Variants in NDUFA11 observed in about 807,000 individuals in gnomAD.
NDUFA11 encodes NADH:ubiquinone oxidoreductase subunit A11.
Under a neutral mutation model 11.3 loss-of-function variants are expected in NDUFA11, and 14 were observed. The observed-to-expected ratio is 1.24, with a 90% CI of 0.82 to 1.94. The LOEUF is 1.94. NDUFA11 is among the 30% of genes most tolerant of loss of function. The probability of loss-of-function intolerance (pLI) is 0.00; values close to 1 mark genes in which losing one functional copy is unlikely to be tolerated. For missense variants in NDUFA11, 204 were observed against 200.3 expected (o/e 1.02, Z -0.11); for synonymous variants, 87 against 85.6 (o/e 1.02, Z -0.09).
chr19:5,892,983 G>A (rs1201752376), downstream of NDUFA11: 3 of 1,518,194 alleles, frequency 2.0e-6, no homozygotes, highest in African/African-American at 4.1e-5. Context: ...CAGGTGTCAG[G>A]GCCCCTGCCC....
intron 3 of NDUFA11, chr19:5,895,620 A>C (rs2057603008): frequency 6.5e-6 from 1 of 152,772 alleles, no homozygotes; most frequent in Admixed American, 6.5e-5. Flanking sequence ...AGAGCGGCTG[A>C]GCTGCAAGAG....
In NDUFA11 at chr19:5,896,374, G is replaced by C; in HGVS notation, c.313+79C>G. ...TACTTCTTGTCCGGGATGGAACAGA[G>C]AGGGTGGAGGATGAGCAGAGGTCAG... is the stretch of plus-strand genomic sequence containing the variant. On this transcript the variant is annotated intron_variant, in intron 3 of 3. Transcript: ENST00000308961. This position sits in a 1 kb window ranked among gnomAD's most constrained non-coding sequence, Gnocchi z 5.8. 7.0e-7 allele frequency: 1 copy of C among 1,435,500 alleles called. No homozygotes were observed. The highest frequency in any genetic ancestry group is 9.4e-7 in the Non-Finnish European group (1 of 1,060,602). 88.9% of individuals were successfully genotyped at this position (1,435,500 alleles called of 1,614,324 possible). A position where few individuals can be genotyped will look rare whatever the true frequency, so the allele number is the denominator to read the frequency against.
intron 1 of NDUFA11, chr19:5,902,445 T>G (rs1004622614): frequency 3.9e-5 from 6 of 152,390 alleles, no homozygotes; most frequent in African/African-American, 1.4e-4. Context: ...TTTACTTTTT[T>G]GCAGAGATGG....
chr19:5,899,213 T>C (rs1022729677), intron 1 of NDUFA11, among the ~76,000 whole-genome samples: 1 of 147,786 alleles, frequency 6.8e-6, no homozygotes, highest in Non-Finnish European at 1.5e-5. Flanking sequence ...GCAGTGGCGC[T>C]ATCTCGGCTC....
chr19:5,901,167 C>G, intron 1 of NDUFA11: 4 of 527,492 alleles, frequency 7.6e-6, no homozygotes, highest in Non-Finnish European at 1.1e-5. Flanking sequence ...GACAAGCTGT[C>G]TCCTCCAAAG....
In NDUFA11 at chr19:5,894,835, G is replaced by A. The variant is rs779792599; in HGVS notation, c.333C>T (p.Gly111=). 16 of 1,610,122 alleles carry A rather than the reference G, an allele frequency of 9.9e-6. No homozygotes were observed. The South Asian group carries it at 1.2e-4, about 12-fold the overall frequency. Residue 111 remains glycine (G), a synonymous_variant, in exon 4 of 4, where the codon GGC becomes GGT. Transcript: ENST00000308961. ...LGARTHNYGI[G]AAACVYFGIA... The stretch of plus-strand genomic sequence containing the variant: ...TGCCAAAGTACACGCAGGCGGCGGC[G>A]CCAATCCCGTAGTTGTGCGCTGTGG...
At chr19:5,899,180 C>T (rs1350045596) in intron 1 of NDUFA11, among the ~76,000 whole-genome samples, 12 of 148,240 alleles carry the variant, frequency 8.1e-5, no homozygotes, top group Non-Finnish European at 1.6e-4. Flanking sequence ...GATAGAGTCT[C>T]GCTCTGTCGC....
At position 5,896,283 on chromosome 19, in the gene NDUFA11, A is replaced by AG; in HGVS notation, c.313+169dup. ...AGGGCAGGTCAGGGAGGGCCACAGT[A>AG]GGTGCTTAAGCAGCAGCAGCAGCTG... On this transcript the variant is annotated intron_variant, in intron 3 of 3. Coordinates refer to ENST00000308961, the MANE Select transcript of NDUFA11 (RefSeq NM_175614.5). This position sits in a 1 kb window ranked among gnomAD's most constrained non-coding sequence, Gnocchi z 5.8. The AG allele has an allele frequency of 1.3e-6, 1 of 758,556 alleles. No homozygotes were observed. The highest frequency in any genetic ancestry group is 2.1e-6 in the Non-Finnish European group (1 of 472,242). 47.0% of individuals were successfully genotyped at this position (758,556 alleles called of 1,614,324 possible).
intron 1 of NDUFA11, 131 bp downstream of exon 1, chr19:5,903,481 A>C (rs1272610765): frequency 1.2e-6 from 1 of 846,130 alleles, no homozygotes; most frequent in Non-Finnish European, 1.8e-6. Context: ...ACGACCGCCC[A>C]AGACACCCCG....
rs959089350 is a variant in NDUFA11 at position 5,901,260 on chromosome 19, G to A, written c.97+2352C>T. The A allele has an allele frequency of 7.1e-5, 86 of 1,209,970 alleles. No individual in the cohort carries two copies. The African/African-American group carries it at 1.0e-3, about 14-fold the overall frequency. The allele number at this position is 1,209,970 out of a possible 1,614,324, so 75.0% of individuals were successfully genotyped here. On this transcript the variant is annotated intron_variant, in intron 1 of 3. Coordinates refer to ENST00000308961, the MANE Select transcript of NDUFA11 (RefSeq NM_175614.5). Reference sequence around the variant, plus strand: ...CTCTCACATGAACACCAACATACGCGTCTTTCTCAGTTTCAGATCCTATCC... The same window carrying A: ...CTCTCACATGAACACCAACATACGCATCTTTCTCAGTTTCAGATCCTATCC...
At chr19:5,900,693 G>A (rs571941651) in intron 1 of NDUFA11, among the ~76,000 whole-genome samples, 2 of 152,258 alleles carry the variant, frequency 1.3e-5, no homozygotes, top group East Asian at 3.9e-4. Context: ...CAAGGCGGGC[G>A]GATCACCTGA....
Position 5,896,582 on chromosome 19 carries a change from G to A in NDUFA11, c.191-7C>T. 4 of 1,562,590 alleles carry A rather than the reference G, an allele frequency of 2.6e-6. No homozygotes were observed. Among genetic ancestry groups the A allele is most frequent in the Non-Finnish European group, 3.5e-6 (4 of 1,154,288 alleles). On this transcript the variant is annotated splice_polypyrimidine_tract_variant and splice_region_variant and intron_variant, in intron 2 of 3. Transcript: ENST00000308961. This position sits in a 1 kb window ranked among gnomAD's most constrained non-coding sequence, Gnocchi z 5.8. Reference sequence around the variant, plus strand: ...AACACGGCCCCGACAGCAGCTGCGGGGTAGACGGGAAGAGCAAGGGCCTCG... The same window carrying A: ...AACACGGCCCCGACAGCAGCTGCGGAGTAGACGGGAAGAGCAAGGGCCTCG...
At chr19:5,897,052 T>C (rs2057614848) in intron 1 of NDUFA11, 55 bp from the exon 2 acceptor site, 4 of 1,461,036 alleles carry the variant, frequency 2.7e-6, no homozygotes, top group Non-Finnish European at 3.8e-6. Context: ...AGCCCTTGCT[T>C]GGCCGGGCAC....
chr19:5,896,631 T>C lies in NDUFA11; in HGVS notation c.191-56A>G. ...CGAGACGGGCACAGCAGGAGCCTCT[T>C]GGGCGCTCACTGCCAGTGTCTGGAT... is the stretch of plus-strand genomic sequence containing the variant. On this transcript the variant is annotated intron_variant, in intron 2 of 3. Coordinates refer to ENST00000308961, the MANE Select transcript of NDUFA11 (RefSeq NM_175614.5). The surrounding 1 kb of genome is among the most constrained non-coding windows in gnomAD (Gnocchi z 5.8). 1 of 1,552,316 alleles carries C rather than the reference T, an allele frequency of 6.4e-7. No homozygotes were observed. The highest frequency in any genetic ancestry group is 8.7e-7 in the Non-Finnish European group (1 of 1,148,632).
chr19:5,894,984 A>G, intron 3 of NDUFA11, 130 bp from the exon 4 acceptor site: 1 of 1,054,492 alleles, frequency 9.5e-7, no homozygotes, highest in Non-Finnish European at 1.4e-6. Context: ...TCAGGGATTA[A>G]GTCACTCAGG....
At position 5,903,389 on chromosome 19, in the gene NDUFA11, T is replaced by C. The variant is rs373499435; in HGVS notation, c.97+223A>G. ...GCCTCAGATGACCCCAGGGACTAGCTTGTCGCATGTCACGACCTCCCAGTG... is the reference window on the plus strand; with the variant it reads ...GCCTCAGATGACCCCAGGGACTAGCCTGTCGCATGTCACGACCTCCCAGTG... On this transcript the variant is annotated intron_variant, in intron 1 of 3. Coordinates refer to ENST00000308961, the MANE Select transcript of NDUFA11 (RefSeq NM_175614.5). 1.3e-4 allele frequency among the ~76,000 whole-genome samples: 20 copies of C among 152,250 alleles called. No individual in the cohort carries two copies. In the East Asian group the frequency reaches 1.4e-3, roughly 10 times the overall value.
chr19:5,898,562 T>A (rs1351336969), intron 1 of NDUFA11, among the ~76,000 whole-genome samples: 1 of 152,164 alleles, frequency 6.6e-6, no homozygotes, highest in Non-Finnish European at 1.5e-5. Flanking sequence ...CCCCTGGGAT[T>A]CCTGCTCGAC....
intron 1 of NDUFA11, among the ~76,000 whole-genome samples, chr19:5,901,987 GTTTTT>G (rs758366775): frequency 1.5e-5 from 2 of 132,102 alleles, no homozygotes; most frequent in African/African-American, 5.8e-5. Flanking sequence ...GTTTTGTTTT[GTTTTT>G]TGAGACAGCG....
chr19:5,897,527 G>A (rs1029394853), intron 1 of NDUFA11, among the ~76,000 whole-genome samples: 3 of 152,016 alleles, frequency 2.0e-5, no homozygotes, highest in Non-Finnish European at 4.4e-5. Context: ...CTGCTTCCCT[G>A]CCTGGCTGCC....
Sources: allele counts gnomAD v4.1 joint callset (sites outside exome capture counted in the v4.1 genomes callset), GRCh38; gene constraint gnomAD v4.1.1; non-coding constraint Gnocchi (gnomAD v3.1); transcripts MANE v1.5; gene names NCBI Gene and HGNC (gene_info 2026-07-23, HGNC 2026-07-21).